Variants in PPA2 observed in about 807,000 individuals in gnomAD.
PPA2 encodes inorganic pyrophosphatase 2, mitochondrial.
In PPA2, 48 loss-of-function variants were observed where a neutral mutation model predicts 49.5. The observed-to-expected ratio is 0.97, with a 90% confidence interval of 0.77 to 1.23. The LOEUF (loss-of-function observed/expected upper bound fraction) is 1.23, where lower values mean the gene tolerates loss of function less well. Ranked by LOEUF, PPA2 falls within the 50% of genes most tolerant of loss-of-function variation. PPA2 has a pLI of 0.00. For missense variants in PPA2, 429 were observed against 410.1 expected (o/e 1.05, Z -0.40); for synonymous variants, 131 against 139.9 (o/e 0.94, Z 0.45).
At chr4:105,420,950 A>G (rs1009081227) in intron 7 of PPA2, among the ~76,000 whole-genome samples, 2 of 152,242 alleles carry the variant, frequency 1.3e-5, no homozygotes, top group Non-Finnish European at 2.9e-5. Context: ...ACCATGAAGC[A>G]AAATAGGAAA....
At chr4:105,385,253 G>A (rs765486708) in intron 10 of PPA2, among the ~76,000 whole-genome samples, 1 of 151,994 alleles carries the variant, frequency 6.6e-6, no homozygotes, top group East Asian at 1.9e-4. Flanking sequence ...TCTCTGAAAC[G>A]TTCATTATTT....
chr4:105,434,755 C>A (rs1161735398), intron 6 of PPA2, among the ~76,000 whole-genome samples: 1 of 152,034 alleles, frequency 6.6e-6, no homozygotes, highest in Non-Finnish European at 1.5e-5. Context: ...AGGAAGCATG[C>A]CCAGATTACC....
At chr4:105,450,502 G>C (rs942111883) in intron 3 of PPA2, among the ~76,000 whole-genome samples, 12 of 150,298 alleles carry the variant, frequency 8.0e-5, no homozygotes, top group African/African-American at 2.9e-4. Flanking sequence ...TCAGCCTCCC[G>C]AGCAGCTGGG....
intron 5 of PPA2, among the ~76,000 whole-genome samples, chr4:105,443,868 A>T (rs183620623): frequency 2.0e-5 from 3 of 152,084 alleles, no homozygotes; most frequent in Admixed American, 1.3e-4. Context: ...AGATGTCCAC[A>T]CTACTTGTTC....
chr4:105,420,911 T>C (rs1159410638), intron 7 of PPA2, among the ~76,000 whole-genome samples: 1 of 152,210 alleles, frequency 6.6e-6, no homozygotes, highest in Non-Finnish European at 1.5e-5. Context: ...ATACTGTAAA[T>C]GCTACTTAGT....
intron 9 of PPA2, among the ~76,000 whole-genome samples, chr4:105,394,462 C>T (rs1383102922): frequency 3.3e-5 from 5 of 151,222 alleles, no homozygotes; most frequent in African/African-American, 7.3e-5. Flanking sequence ...GGTAAGTTAC[C>T]TAAATCTTTA....
intron 8 of PPA2, among the ~76,000 whole-genome samples, chr4:105,397,185 A>G (rs1734184633): frequency 6.6e-6 from 1 of 152,156 alleles, no homozygotes; most frequent in African/African-American, 2.4e-5. Context: ...TTCAATGATA[A>G]CTAAACTCAT....
chr4:105,416,209 C>A (rs887095289), intron 7 of PPA2, among the ~76,000 whole-genome samples: 4 of 152,210 alleles, frequency 2.6e-5, no homozygotes, highest in South Asian at 2.1e-4. Context: ...AATGTTAGGA[C>A]GAAAAAACAT....
intron 6 of PPA2, among the ~76,000 whole-genome samples, chr4:105,426,241 C>T (rs1723500640): frequency 6.6e-6 from 1 of 152,124 alleles, no homozygotes; most frequent in Non-Finnish European, 1.5e-5. Context: ...AGGAACAGCT[C>T]CCGTCTACAG....
intron 10 of PPA2, among the ~76,000 whole-genome samples, 187 bp from the exon 11 acceptor site, chr4:105,371,060 A>G (rs1353210015): frequency 1.3e-5 from 2 of 151,986 alleles, no homozygotes; most frequent in Non-Finnish European, 1.5e-5. Context: ...AACAAACAAC[A>G]GACTTAGAGT....
chr4:105,452,806 T>A (rs1004246145), intron 3 of PPA2, among the ~76,000 whole-genome samples: 6 of 152,182 alleles, frequency 3.9e-5, no homozygotes, highest in Middle Eastern at 3.2e-3. Flanking sequence ...ATCAATCAAA[T>A]GTTCTGGTCC....
At chr4:105,449,878 GATAAA>G (rs1722594346) in intron 3 of PPA2, among the ~76,000 whole-genome samples, 1 of 152,094 alleles carries the variant, frequency 6.6e-6, no homozygotes, top group Non-Finnish European at 1.5e-5. Flanking sequence ...ATTTTAAAAT[GATAAA>G]ATAATAATTA....
At chr4:105,400,383 T>G (rs1030635250) in intron 7 of PPA2, among the ~76,000 whole-genome samples, 1 of 152,118 alleles carries the variant, frequency 6.6e-6, no homozygotes, top group African/African-American at 2.4e-5. Context: ...TGGTGGCTCA[T>G]GTCTGTAATC....
At chr4:105,386,913 A>T (rs1733707737) in intron 9 of PPA2, among the ~76,000 whole-genome samples, 1 of 152,346 alleles carries the variant, frequency 6.6e-6, no homozygotes, top group East Asian at 1.9e-4. Context: ...AGGTATATAT[A>T]AAAAGCTACA....
intron 7 of PPA2, among the ~76,000 whole-genome samples, chr4:105,406,234 T>C (rs1439226403): frequency 2.0e-5 from 3 of 148,086 alleles, no homozygotes; most frequent in African/African-American, 5.0e-5. Flanking sequence ...AAGTAGAAGA[T>C]AGATTAACAG....
intron 10 of PPA2, among the ~76,000 whole-genome samples, chr4:105,375,073 T>C (rs1445638334): frequency 2.0e-5 from 3 of 152,066 alleles, no homozygotes; most frequent in African/African-American, 7.2e-5. Flanking sequence ...ACAATCCTTT[T>C]CTGATTTTTC....
At chr4:105,371,144 G>A (rs1274307423) in intron 10 of PPA2, among the ~76,000 whole-genome samples, 3 of 152,158 alleles carry the variant, frequency 2.0e-5, no homozygotes, top group Non-Finnish European at 4.4e-5. Flanking sequence ...CTAGGAATGA[G>A]AAGAGAGGTT....
chr4:105,457,385 T>A (rs1369119073), intron 1 of PPA2, among the ~76,000 whole-genome samples: 1 of 152,238 alleles, frequency 6.6e-6, no homozygotes, highest in East Asian at 1.9e-4. Flanking sequence ...GCACTTTTAC[T>A]GGAATACATC....
chr4:105,467,745 A>T (rs185089142), intron 1 of PPA2, among the ~76,000 whole-genome samples: 1 of 152,172 alleles, frequency 6.6e-6, no homozygotes, highest in African/African-American at 2.4e-5. Flanking sequence ...AAAATATGCT[A>T]ATGAGTTAGC....
Sources: gnomAD v4.1 joint callset for allele counts (sites outside exome capture counted in the v4.1 genomes callset) on GRCh38, gnomAD v4.1.1 for gene constraint, MANE v1.5 for transcripts, NCBI Gene and HGNC (gene_info 2026-07-23, HGNC 2026-07-21) for gene names.